UNC5B: variants seen among roughly 807,000 people sequenced by gnomAD.
UNC5B encodes unc-5 netrin receptor B.
In UNC5B, 56 loss-of-function variants were observed where a neutral mutation model predicts 103.7. That is an observed-to-expected ratio of 0.54 (90% CI 0.44 to 0.67). The LOEUF (loss-of-function observed/expected upper bound fraction) is 0.67. UNC5B is among the 30% of genes least tolerant of loss of function. The pLI, the probability that UNC5B is intolerant of heterozygous loss-of-function variation, is 0.00. For synonymous variants in UNC5B, 577 were observed against 542.0 expected, an observed-to-expected ratio of 1.06 and a Z score of -0.90; for missense variants, 1,194 against 1,284.5, an observed-to-expected ratio of 0.93 and a Z score of 1.08.
chr10:71,226,215 C>G (rs1314092726), intron 1 of UNC5B, among the ~76,000 whole-genome samples: 1 of 152,148 alleles, frequency 6.6e-6, no homozygotes, highest in Non-Finnish European at 1.5e-5. Flanking sequence ...GCTGGGATTA[C>G]AGGCGCCCGC....
Position 71,212,890 on chromosome 10 carries a change from G to C in UNC5B, c.-96G>C. ...GCGCTGCCGGGCGCCGGGGAGGACGGCGAGGAGGAGGCGGCGGCGGCGGAG... is the reference window on the plus strand; with the variant it reads ...GCGCTGCCGGGCGCCGGGGAGGACGCCGAGGAGGAGGCGGCGGCGGCGGAG... On this transcript the variant is annotated 5_prime_UTR_variant, in exon 1 of 17. Transcript: ENST00000335350. 2 of 1,042,282 alleles carry C rather than the reference G, an allele frequency of 1.9e-6. No individual in the cohort carries two copies. Among genetic ancestry groups the C allele is most frequent in the Non-Finnish European group, 2.5e-6 (2 of 815,066 alleles). 64.6% of individuals were successfully genotyped at this position (1,042,282 alleles called of 1,614,324 possible).
intron 1 of UNC5B, among the ~76,000 whole-genome samples, chr10:71,222,239 A>G (rs1843467341): frequency 6.6e-6 from 1 of 152,180 alleles, no homozygotes; most frequent in Non-Finnish European, 1.5e-5. Flanking sequence ...ACATCTACCC[A>G]GGAGACAAAT....
chr10:71,237,516 T>C (rs1252338959), intron 1 of UNC5B, among the ~76,000 whole-genome samples: 1 of 150,772 alleles, frequency 6.6e-6, no homozygotes, highest in African/African-American at 2.4e-5. Flanking sequence ...AAGACCTCAG[T>C]TCTCTCATCT....
intron 1 of UNC5B, among the ~76,000 whole-genome samples, chr10:71,253,501 G>A (rs1386885345): frequency 6.6e-6 from 1 of 152,188 alleles, no homozygotes; most frequent in Non-Finnish European, 1.5e-5. Context: ...AAGGCCAGGC[G>A]CATCTGATGT....
In UNC5B at chr10:71,279,861, G is replaced by A. The variant is rs144307815; in HGVS notation, c.120G>A (p.Pro40=). Residue 40 remains proline, a synonymous_variant, in exon 2 of 17, where the codon CCG becomes CCA. Coordinates refer to ENST00000335350, the MANE Select transcript of UNC5B (RefSeq NM_170744.5). ...GCGAGGTGCTCCCTGACTCCTTCCC[G>A]TCAGCGCCAGCAGAGCCGCTGCCCT... ...SGSEVLPDSF[P]SAPAEPLPYF... 6.1e-5 allele frequency: 98 copies of A among 1,613,842 alleles called. No homozygotes were observed. In the Middle Eastern group the frequency reaches 1.2e-3, roughly 19 times the overall value.
intron 1 of UNC5B, among the ~76,000 whole-genome samples, chr10:71,263,580 A>G (rs1844461831): frequency 6.6e-6 from 1 of 152,188 alleles, no homozygotes; most frequent in Non-Finnish European, 1.5e-5. Context: ...GAACAATCAG[A>G]GAGGAAAACC....
chr10:71,256,962 G>A (rs1422063237), intron 1 of UNC5B, among the ~76,000 whole-genome samples: 2 of 152,214 alleles, frequency 1.3e-5, no homozygotes, highest in Non-Finnish European at 2.9e-5. Context: ...TGAGCACAGA[G>A]CAGGGAAGGT....
chr10:71,222,586 C>T (rs564042099), intron 1 of UNC5B, among the ~76,000 whole-genome samples: 3 of 152,314 alleles, frequency 2.0e-5, no homozygotes, highest in Non-Finnish European at 2.9e-5. Flanking sequence ...GATTCTCTCC[C>T]TGTGCATCTC....
chr10:71,237,182 T>A (rs540219806), intron 1 of UNC5B, among the ~76,000 whole-genome samples: 1 of 152,290 alleles, frequency 6.6e-6, no homozygotes, highest in East Asian at 1.9e-4. Context: ...GGGGACCAAG[T>A]GCACGTTCCC....
intron 1 of UNC5B, among the ~76,000 whole-genome samples, chr10:71,248,852 C>T (rs923044826): frequency 1.7e-4 from 6 of 34,922 alleles, no homozygotes; most frequent in Non-Finnish European, 2.6e-4. Context: ...CTCTCTGTCT[C>T]TCTCTCTCTC....
intron 1 of UNC5B, among the ~76,000 whole-genome samples, chr10:71,225,013 A>G (rs1287448348): frequency 6.6e-6 from 1 of 152,130 alleles, no homozygotes; most frequent in Non-Finnish European, 1.5e-5. Context: ...GTTATCAGCG[A>G]GGGGAGAGCC....
chr10:71,289,102 A>AC (rs1213359312), intron 8 of UNC5B, 112 bp downstream of exon 8: 1 of 1,405,214 alleles, frequency 7.1e-7, no homozygotes, highest in Non-Finnish European at 9.9e-7. Context: ...GTGCCTACCC[A>AC]CCCCCCACGG....
chr10:71,296,230 AGG>A (rs1845408598), intron 14 of UNC5B, among the ~76,000 whole-genome samples: 1 of 152,130 alleles, frequency 6.6e-6, no homozygotes, highest in African/African-American at 2.4e-5. Flanking sequence ...ATCCTCACAG[AGG>A]CTCCTCACCC....
intron 1 of UNC5B, among the ~76,000 whole-genome samples, chr10:71,250,625 A>G (rs1448045432): frequency 3.3e-5 from 5 of 152,190 alleles, no homozygotes; most frequent in Non-Finnish European, 7.3e-5. Context: ...AGAAGTCAGC[A>G]TTAATTAGTG....
intron 1 of UNC5B, among the ~76,000 whole-genome samples, chr10:71,226,192 A>C (rs560958604): frequency 6.6e-6 from 1 of 152,106 alleles, no homozygotes; most frequent in Non-Finnish European, 1.5e-5. Context: ...CTCATGCCTC[A>C]GCCTCTCAAG....
chr10:71,278,171 G>T (rs188630217), intron 1 of UNC5B, among the ~76,000 whole-genome samples: 1 of 152,164 alleles, frequency 6.6e-6, no homozygotes, highest in Admixed American at 6.5e-5. Flanking sequence ...GCCAGAATTC[G>T]ATAAGTTAAC....
chr10:71,244,085 T>C (rs1249220391), intron 1 of UNC5B, among the ~76,000 whole-genome samples: 1 of 152,260 alleles, frequency 6.6e-6, no homozygotes, highest in Admixed American at 6.5e-5. Context: ...TCACCTATTC[T>C]GCTGTATCTA....
chr10:71,270,594 G>A (rs563428419), intron 1 of UNC5B, among the ~76,000 whole-genome samples: 4 of 152,230 alleles, frequency 2.6e-5, no homozygotes, highest in Admixed American at 2.0e-4. Flanking sequence ...GGGTCCAGGC[G>A]GGAAGACCTG....
chr10:71,283,260 C>T (rs1054841975), intron 2 of UNC5B, among the ~76,000 whole-genome samples: 1 of 152,190 alleles, frequency 6.6e-6, no homozygotes, highest in African/African-American at 2.4e-5. Flanking sequence ...TCAGTTTCTT[C>T]AAAGGTAACA....
Sources: gnomAD v4.1 joint callset for allele counts (sites outside exome capture counted in the v4.1 genomes callset) on GRCh38, gnomAD v4.1.1 for gene constraint, MANE v1.5 for transcripts, NCBI Gene and HGNC (gene_info 2026-07-23, HGNC 2026-07-21) for gene names.